MACROD2: variants seen among roughly 807,000 people sequenced by gnomAD.
MACROD2 encodes the protein ADP-ribose glycohydrolase MACROD2.
MACROD2 carries 36 observed loss-of-function variants against 70.4 expected under a neutral mutation model. That is an observed-to-expected ratio of 0.51 (90% CI 0.39 to 0.68). The LOEUF (loss-of-function observed/expected upper bound fraction) is 0.68. MACROD2 is among the 30% of genes least tolerant of loss of function. The pLI, the probability that MACROD2 is intolerant of heterozygous loss-of-function variation, is 0.00. For synonymous variants in MACROD2, 172 were observed against 178.8 expected, an observed-to-expected ratio of 0.96 and a Z score of 0.30; for missense variants, 496 against 538.4, an observed-to-expected ratio of 0.92 and a Z score of 0.78.
chr20:14,825,997 G>T (rs530542136), intron 5 of MACROD2, among the ~76,000 whole-genome samples: 9 of 152,196 alleles, frequency 5.9e-5, no homozygotes, highest in Non-Finnish European at 7.4e-5. Flanking sequence ...CCACAGTTTG[G>T]GTTGTACTGA....
intron 8 of MACROD2, among the ~76,000 whole-genome samples, chr20:15,660,015 G>A (rs1444912298): frequency 6.6e-6 from 1 of 152,012 alleles, no homozygotes; most frequent in Non-Finnish European, 1.5e-5. Context: ...TTTCATGAAG[G>A]TAGAGTCTGT....
chr20:15,294,097 G>A (rs2077564985), intron 6 of MACROD2, among the ~76,000 whole-genome samples: 2 of 149,072 alleles, frequency 1.3e-5, no homozygotes, highest in African/African-American at 4.9e-5. Flanking sequence ...CTCCAGCCTG[G>A]GTGACAAGAG....
intron 10 of MACROD2, among the ~76,000 whole-genome samples, chr20:15,910,125 CCAT>C (rs1184098228): frequency 1.3e-5 from 2 of 152,140 alleles, no homozygotes; most frequent in Non-Finnish European, 2.9e-5. Flanking sequence ...TTCTGTTACG[CCAT>C]CATCAACTCA....
At chr20:14,503,252 GA>G (rs2084933328) in intron 4 of MACROD2, among the ~76,000 whole-genome samples, 1 of 152,098 alleles carries the variant, frequency 6.6e-6, no homozygotes, top group Non-Finnish European at 1.5e-5. Flanking sequence ...GTACACAAGG[GA>G]AGGGTGGTGC....
intron 8 of MACROD2, among the ~76,000 whole-genome samples, chr20:15,683,414 A>G (rs771997372): frequency 6.6e-6 from 1 of 152,222 alleles, no homozygotes; most frequent in Non-Finnish European, 1.5e-5. Flanking sequence ...CCCATTTAAT[A>G]TCTTTCTTTA....
intron 5 of MACROD2, among the ~76,000 whole-genome samples, chr20:14,977,831 A>C (rs570711264): frequency 3.7e-4 from 57 of 152,274 alleles, no homozygotes; most frequent in African/African-American, 1.3e-3. Flanking sequence ...TGAGGAAATT[A>C]TTCTTCTTAT....
At chr20:15,790,546 G>A (rs75709527) in intron 8 of MACROD2, among the ~76,000 whole-genome samples, 66 of 151,960 alleles carry the variant, frequency 4.3e-4, no homozygotes, top group Non-Finnish European at 3.8e-4. Context: ...CCAGGAGGCC[G>A]TGTCTAGGGT....
intron 8 of MACROD2, among the ~76,000 whole-genome samples, chr20:15,708,563 C>T (rs535236498): frequency 2.2e-4 from 34 of 152,262 alleles, no homozygotes; most frequent in South Asian, 1.5e-3. Flanking sequence ...AGAGAGGGAG[C>T]CAGACCCTGT....
At position 14,525,252 on chromosome 20, in the gene MACROD2, A is replaced by G. The variant is rs906549984; in HGVS notation, c.301+31744A>G. Among the ~76,000 whole-genome samples the G allele has an allele frequency of 4.6e-5, 7 of 152,306 alleles. No individual in the cohort carries two copies. In the South Asian group the frequency reaches 1.5e-3, roughly 32 times the overall value. ...AGCTTAGTTCCTCAAGATTGCTCAG[A>G]TAAAATTTGGGGAGATTGTCTATTT... On this transcript the variant is annotated intron_variant, in intron 4 of 17. Coordinates refer to ENST00000684519, the MANE Select transcript of MACROD2 (RefSeq NM_001351661.2).
At chr20:15,750,255 C>T (rs941020377) in intron 8 of MACROD2, among the ~76,000 whole-genome samples, 6 of 152,000 alleles carry the variant, frequency 3.9e-5, no homozygotes, top group Non-Finnish European at 8.8e-5. Context: ...AAGTGCTCAG[C>T]ATCTCTAATC....
rs1006381 is a variant in MACROD2 at position 15,955,518 on chromosome 20, T to C, written c.908-12035T>C. On this transcript the variant is annotated intron_variant, in intron 12 of 17. Transcript: ENST00000684519. ...GCTTCTCTATAAGCCAAATTAGATT[T>C]CCTAGTTTCTAATGGATGATCCTTT... is the stretch of plus-strand genomic sequence containing the variant. 5.6e-3 allele frequency among the ~76,000 whole-genome samples: 860 copies of C among 152,314 alleles called. 10 individuals carry two copies. The highest frequency in any genetic ancestry group is 7.7e-3 in the Non-Finnish European group (525 of 68,026).
At chr20:14,135,234 G>A (rs1569174041) in intron 3 of MACROD2, among the ~76,000 whole-genome samples, 5 of 151,864 alleles carry the variant, frequency 3.3e-5, no homozygotes, top group African/African-American at 7.3e-5. Context: ...ATCTGTCATG[G>A]ACATAGATAT....
intron 8 of MACROD2, among the ~76,000 whole-genome samples, chr20:15,785,475 A>G (rs2051909770): frequency 6.6e-6 from 1 of 152,200 alleles, no homozygotes; most frequent in Admixed American, 6.5e-5. Flanking sequence ...GAGTTGTAAA[A>G]CCTCAGGTCA....
At chr20:15,804,897 T>C (rs974340491) in intron 8 of MACROD2, among the ~76,000 whole-genome samples, 1 of 152,206 alleles carries the variant, frequency 6.6e-6, no homozygotes, top group African/African-American at 2.4e-5. Flanking sequence ...TCAATAGGGA[T>C]GATTCCTGCA....
intron 10 of MACROD2, chr20:15,893,545 C>T (rs1445831789): frequency 8.2e-6 from 3 of 364,518 alleles, no homozygotes; most frequent in Non-Finnish European, 1.6e-5. Context: ...ATAAATGACA[C>T]GGTCTCTCTT....
chr20:14,849,947 A>G (rs745763118), intron 5 of MACROD2: 1 of 508,144 alleles, frequency 2.0e-6, no homozygotes, highest in Non-Finnish European at 3.9e-6. Flanking sequence ...ATCTTCTCCT[A>G]CACCTGAAGA....
chr20:15,933,236 G>T, intron 10 of MACROD2, 40 bp from the exon 11 acceptor site: 2 of 1,595,364 alleles, frequency 1.3e-6, no homozygotes, highest in South Asian at 2.2e-5. Context: ...TTCACAAATT[G>T]ACTTGATGCA....
intron 6 of MACROD2, among the ~76,000 whole-genome samples, chr20:15,273,083 C>T (rs2077359666): frequency 2.0e-5 from 3 of 152,108 alleles, no homozygotes; most frequent in Admixed American, 2.0e-4. Flanking sequence ...TTGAAGGATA[C>T]AAGGTATTGA....
intron 4 of MACROD2, among the ~76,000 whole-genome samples, chr20:14,534,327 CT>C (rs1429073460): frequency 2.0e-5 from 3 of 152,130 alleles, no homozygotes; most frequent in Non-Finnish European, 2.9e-5. Context: ...GATTTTTATT[CT>C]TTGACTCAAG....
Sources: gnomAD v4.1 joint callset for allele counts (sites outside exome capture counted in the v4.1 genomes callset) on GRCh38, gnomAD v4.1.1 for gene constraint, MANE v1.5 for transcripts, NCBI Gene and HGNC (gene_info 2026-07-23, HGNC 2026-07-21) for gene names.